Variants in TBC1D8 observed in about 807,000 individuals in gnomAD.
The protein encoded by TBC1D8 is TBC1 domain family member 8.
In TBC1D8, 65 loss-of-function variants were observed where a neutral mutation model predicts 118.8. The observed-to-expected ratio is 0.55, with a 90% CI of 0.45 to 0.67. The LOEUF (loss-of-function observed/expected upper bound fraction) is 0.67, where lower values mean the gene tolerates loss of function less well. Ranked by LOEUF, TBC1D8 falls within the 30% of genes least tolerant of loss-of-function variation. The pLI is 0.00. For synonymous variants in TBC1D8, 566 were observed against 595.8 expected, an observed-to-expected ratio of 0.95 and a Z score of 0.73; for missense variants, 1,376 against 1,471.2, an observed-to-expected ratio of 0.94 and a Z score of 1.06.
chr2:101,036,109 G>A lies in TBC1D8; in HGVS notation c.1512C>T (p.Thr504=), dbSNP rs376227665. The change falls in exon 9 of 20, where the codon ACC becomes ACT. Residue 504 remains threonine, a synonymous_variant. Coordinates refer to ENST00000409318, the MANE Select transcript of TBC1D8 (RefSeq NM_001330348.2). ...WNDHFVEYGR[T]VCMFRTEKIR... ...TCTTCTCTGTGCGAAACATACACACGGTTCTGCCGTATTCCACAAAGTGGT... is the reference window on the plus strand; with the variant it reads ...TCTTCTCTGTGCGAAACATACACACAGTTCTGCCGTATTCCACAAAGTGGT... 19 of 1,613,816 alleles carry A rather than the reference G, an allele frequency of 1.2e-5. No homozygotes were observed. Among genetic ancestry groups the A allele is most frequent in the Middle Eastern group, 1.6e-4 (1 of 6,084 alleles).
At chr2:101,092,303 A>G (rs1676090520) in intron 1 of TBC1D8, among the ~76,000 whole-genome samples, 1 of 152,174 alleles carries the variant, frequency 6.6e-6, no homozygotes, top group Non-Finnish European at 1.5e-5. Context: ...AGAATCACAG[A>G]AGTGATGCTG....
At chr2:101,125,200 G>A (rs948384459) in intron 1 of TBC1D8, among the ~76,000 whole-genome samples, 1 of 152,132 alleles carries the variant, frequency 6.6e-6, no homozygotes, top group African/African-American at 2.4e-5. Flanking sequence ...GAGCCCAGGG[G>A]GCACCCGGGG....
rs1679207428 is a variant in TBC1D8, at chr2:101,011,460, T to C, written c.2908A>G (p.Lys970Glu). 6.2e-7 allele frequency: 1 copy of C among 1,613,868 alleles called. No individual in the cohort carries two copies. Among genetic ancestry groups the C allele is most frequent in the African/African-American group, 1.3e-5 (1 of 74,986 alleles). The change falls in exon 18 of 20, where the codon AAA becomes GAA. Residue 970 changes from lysine (K) to glutamate (E), a missense_variant. Physicochemically the swap from Lys to Glu is moderately conservative, Grantham distance 56. Coordinates refer to ENST00000409318, the MANE Select transcript of TBC1D8 (RefSeq NM_001330348.2). ...LSTSRPLVFG[K>E]PNGDAVDYQK... The stretch of plus-strand genomic sequence containing the variant: ...GAAAAGAGGTACGTGCCATTGGGTT[T>C]CCCGAAAACCAGGGGTCTCGATGTT...
At chr2:101,013,206 GC>G (rs1249854620) in intron 17 of TBC1D8, among the ~76,000 whole-genome samples, 1 of 152,154 alleles carries the variant, frequency 6.6e-6, no homozygotes, top group East Asian at 1.9e-4. Context: ...CCCAACCTCT[GC>G]CGTCACAGCA....
intron 1 of TBC1D8, among the ~76,000 whole-genome samples, chr2:101,133,342 A>C (rs1431822742): frequency 2.0e-5 from 3 of 151,990 alleles, no homozygotes; most frequent in Non-Finnish European, 4.4e-5. Context: ...GTGTGAGTCC[A>C]TTTGCCATTC....
At chr2:101,008,403 GTC>G in intron 19 of TBC1D8, 130 bp from the exon 20 acceptor site, 1 of 752,146 alleles carries the variant, frequency 1.3e-6, no homozygotes, top group Non-Finnish European at 2.0e-6. Flanking sequence ...AGAAAAGGTA[GTC>G]TCTGCCTTTC....
intron 2 of TBC1D8, among the ~76,000 whole-genome samples, chr2:101,087,156 C>CGGT (rs1675691636): frequency 6.6e-6 from 1 of 152,308 alleles, no homozygotes; most frequent in African/African-American, 2.4e-5. Context: ...GGGCCGCACG[C>CGGT]AACCAGCAGG....
chr2:101,050,018 G>A (rs1054182814), intron 5 of TBC1D8, among the ~76,000 whole-genome samples: 3 of 151,806 alleles, frequency 2.0e-5, no homozygotes, highest in Admixed American at 6.6e-5. Context: ...TAGTAGAGAC[G>A]GGTTTTCACC....
At chr2:101,101,895 G>C (rs1004023924) in intron 1 of TBC1D8, among the ~76,000 whole-genome samples, 2 of 152,024 alleles carry the variant, frequency 1.3e-5, no homozygotes, top group East Asian at 1.9e-4. Flanking sequence ...GAGCCTGTTG[G>C]GGGGTAGGGG....
intron 1 of TBC1D8, among the ~76,000 whole-genome samples, chr2:101,135,895 G>T (rs11695943): frequency 6.6e-6 from 1 of 152,028 alleles, no homozygotes; most frequent in East Asian, 1.9e-4. Context: ...TGGTTTTTGT[G>T]TTTTTGAGAA....
intron 19 of TBC1D8, 55 bp downstream of exon 19, chr2:101,010,874 T>TC: frequency 7.0e-7 from 1 of 1,421,776 alleles, no homozygotes; most frequent in East Asian, 2.3e-5. Flanking sequence ...AGAGCGAGAC[T>TC]CCATCTCAAA....
chr2:101,018,256 T>C (rs561799659), intron 17 of TBC1D8: 1 of 215,730 alleles, frequency 4.6e-6, no homozygotes, highest in Non-Finnish European at 9.3e-6. Context: ...TTCCGAAGTT[T>C]AATTTTTGCT....
chr2:101,135,171 CAAAAAAA>C (rs1299383356), intron 1 of TBC1D8, among the ~76,000 whole-genome samples: 1 of 150,618 alleles, frequency 6.6e-6, no homozygotes, highest in Non-Finnish European at 1.5e-5. Flanking sequence ...GACTCCGTCT[CAAAAAAA>C]GAAAAAAGAA....
intron 1 of TBC1D8, among the ~76,000 whole-genome samples, chr2:101,121,470 C>T (rs1179447090): frequency 6.6e-6 from 1 of 152,220 alleles, no homozygotes; most frequent in African/African-American, 2.4e-5. Flanking sequence ...GACTGGCACT[C>T]ACATCCCAGA....
At chr2:101,106,154 C>A (rs914577913) in intron 1 of TBC1D8, among the ~76,000 whole-genome samples, 5 of 151,896 alleles carry the variant, frequency 3.3e-5, no homozygotes, top group African/African-American at 1.2e-4. Flanking sequence ...CCAATTATTC[C>A]AGAAAAAGGA....
chr2:101,085,605 A>T (rs896308757), intron 2 of TBC1D8, among the ~76,000 whole-genome samples: 1 of 152,210 alleles, frequency 6.6e-6, no homozygotes, highest in Non-Finnish European at 1.5e-5. Context: ...ACAGCACTGC[A>T]AACAAGCAAA....
intron 1 of TBC1D8, among the ~76,000 whole-genome samples, chr2:101,121,311 T>C (rs1678090548): frequency 6.6e-6 from 1 of 151,880 alleles, no homozygotes; most frequent in Admixed American, 6.6e-5. Flanking sequence ...ATATCAGACA[T>C]ATGACACGTG....
chr2:101,089,044 C>T (rs1035293062), intron 2 of TBC1D8, among the ~76,000 whole-genome samples: 3 of 152,068 alleles, frequency 2.0e-5, no homozygotes, highest in South Asian at 4.1e-4. Flanking sequence ...CTTGTATTTT[C>T]GAGGAAAAAG....
intron 1 of TBC1D8, 70 bp downstream of exon 1, chr2:101,151,057 G>C (rs1196242820): frequency 1.0e-6 from 1 of 962,962 alleles, no homozygotes; most frequent in Non-Finnish European, 1.2e-6. Context: ...CCCGGGACTG[G>C]GGGCCGCGGG....
Sources: allele counts gnomAD v4.1 joint callset (sites outside exome capture counted in the v4.1 genomes callset), GRCh38; gene constraint gnomAD v4.1.1; transcripts MANE v1.5; gene names NCBI Gene and HGNC (gene_info 2026-07-23, HGNC 2026-07-21).